WDR7: variants seen among roughly 807,000 people sequenced by gnomAD.
The protein encoded by WDR7 is WD repeat domain 7.
WDR7 carries 46 observed loss-of-function variants against 169.4 expected under a neutral mutation model. The observed-to-expected ratio is 0.27, with a 90% CI of 0.21 to 0.35. The LOEUF (loss-of-function observed/expected upper bound fraction) is 0.35. Ranked by LOEUF, WDR7 falls within the 10% of genes least tolerant of loss-of-function variation. The probability of loss-of-function intolerance (pLI) is 1.00; values close to 1 mark genes in which losing one functional copy is unlikely to be tolerated. For synonymous variants in WDR7, 612 were observed against 666.8 expected, an observed-to-expected ratio of 0.92 and a Z score of 1.27; for missense variants, 1,534 against 1,859.3, an observed-to-expected ratio of 0.83 and a Z score of 3.22.
intron 20 of WDR7, among the ~76,000 whole-genome samples, chr18:56,831,609 A>T (rs916057340): frequency 6.6e-6 from 1 of 151,646 alleles, no homozygotes; most frequent in Non-Finnish European, 1.5e-5. Context: ...AAGGTGGGTG[A>T]TTTCTGCATT....
In WDR7 at chr18:56,853,095, C is replaced by T. The variant is rs577486189; in HGVS notation, c.3305-26849C>T. Among the ~76,000 whole-genome samples, 330 of 152,226 alleles carry T rather than the reference C, an allele frequency of 2.2e-3. 2 individuals carry two copies. The highest frequency in any genetic ancestry group is 7.6e-3 in the African/African-American group (317 of 41,540). On this transcript the variant is annotated intron_variant, in intron 20 of 27. Coordinates refer to ENST00000254442, the MANE Select transcript of WDR7 (RefSeq NM_015285.3). ...TGAAGATTTTGTGTGTATGTGTGTA[C>T]AGCTTTAAAACTTAAAAATTAGAGA...
chr18:56,846,222 A>C (rs984915585), intron 20 of WDR7, among the ~76,000 whole-genome samples: 11 of 152,144 alleles, frequency 7.2e-5, no homozygotes, highest in African/African-American at 2.4e-4. Context: ...AGGTGGGCCT[A>C]CTGGGAGGTG....
intron 27 of WDR7, among the ~76,000 whole-genome samples, chr18:57,024,288 G>A (rs2048327369): frequency 6.6e-6 from 1 of 152,034 alleles, no homozygotes. Context: ...CTCGAGCATC[G>A]TTTGTATCCA....
intron 20 of WDR7, among the ~76,000 whole-genome samples, chr18:56,856,064 G>A (rs568552221): frequency 3.0e-4 from 46 of 152,246 alleles, no homozygotes; most frequent in Non-Finnish European, 6.0e-4. Context: ...CCAGGGGAGC[G>A]CAGGGAAAAT....
intron 19 of WDR7, among the ~76,000 whole-genome samples, chr18:56,794,304 A>ATTTTTTATTTTTTTTTTTTT (rs2044543989): frequency 2.0e-5 from 1 of 49,466 alleles, no homozygotes; most frequent in Non-Finnish European, 3.8e-5. Context: ...GGTAAAGTCT[A>ATTTTTTATTTTTTTTTTTTT]TTTTTTTTTT....
rs2025565436 is a variant in WDR7 at position 56,691,332 on chromosome 18, G to A, written c.834G>A (p.Gly278=). Residue 278 remains glycine (G), a synonymous_variant, in exon 8 of 28, where the codon GGG becomes GGA. Coordinates refer to ENST00000254442, the MANE Select transcript of WDR7 (RefSeq NM_015285.3). The part of the protein sequence containing the change: ...SDKVIIWTEN[G]QSYIYKLPAS... ...AAGTCATCATTTGGACAGAAAATGG[G>A]CAAAGTTATATTTACAAACTACCTG... 6.3e-6 allele frequency: 10 copies of A among 1,596,550 alleles called. No homozygotes were observed. The highest frequency in any genetic ancestry group is 1.7e-4 in the Middle Eastern group (1 of 6,022).
chr18:56,907,597 T>C (rs1249509478), intron 21 of WDR7, among the ~76,000 whole-genome samples: 1 of 152,208 alleles, frequency 6.6e-6, no homozygotes, highest in Non-Finnish European at 1.5e-5. Flanking sequence ...GCTATTCTCT[T>C]AGTCTACTTG....
chr18:56,795,019 T>C (rs955969654), intron 19 of WDR7, among the ~76,000 whole-genome samples: 1 of 152,222 alleles, frequency 6.6e-6, no homozygotes, highest in Non-Finnish European at 1.5e-5. Flanking sequence ...AGGAGAATCT[T>C]ATCCTCATCA....
At chr18:56,848,492 G>T (rs2045597575) in intron 20 of WDR7, among the ~76,000 whole-genome samples, 1 of 152,128 alleles carries the variant, frequency 6.6e-6, no homozygotes, top group Non-Finnish European at 1.5e-5. Context: ...ACTGTATTTT[G>T]CAATGTGAGA....
intron 26 of WDR7, among the ~76,000 whole-genome samples, chr18:57,019,857 G>A (rs2048262364): frequency 6.6e-6 from 1 of 152,154 alleles, no homozygotes; most frequent in South Asian, 2.1e-4. Flanking sequence ...TCTAGACAAA[G>A]GGAGGAGACC....
chr18:56,682,889 A>G (rs2025377067), intron 5 of WDR7, 36 bp downstream of exon 5: 1 of 1,581,030 alleles, frequency 6.3e-7, no homozygotes, highest in African/African-American at 1.4e-5. Flanking sequence ...CTTTAGCACC[A>G]TGACTTAATG....
At chr18:56,724,209 ATTT>A (rs58382196) in intron 13 of WDR7, among the ~76,000 whole-genome samples, 1 of 98,006 alleles carries the variant, frequency 1.0e-5, no homozygotes, top group African/African-American at 4.3e-5. Flanking sequence ...ATGCCTGGTA[ATTT>A]TTTTTTTTTT....
intron 20 of WDR7, among the ~76,000 whole-genome samples, chr18:56,834,373 G>C (rs1304563859): frequency 6.6e-6 from 1 of 152,146 alleles, no homozygotes; most frequent in African/African-American, 2.4e-5. Flanking sequence ...GTGACTCACT[G>C]GGGGTTGGTT....
chr18:56,659,162 C>T (rs1307789426), intron 1 of WDR7, among the ~76,000 whole-genome samples: 1 of 147,490 alleles, frequency 6.8e-6, no homozygotes, highest in Non-Finnish European at 1.5e-5. Context: ...GAGGCAGGAG[C>T]GTAGGTAAAA....
In WDR7 at chr18:56,740,920, C is replaced by T. The variant is rs369219670; in HGVS notation, c.1989+9323C>T. On this transcript the variant is annotated intron_variant, in intron 14 of 27. Coordinates refer to ENST00000254442, the MANE Select transcript of WDR7 (RefSeq NM_015285.3). Reference sequence around the variant, plus strand: ...TTGAATATTCAATTTTCTCTTTAGCCCCACAAGACTTTCAAAAGCTCTGTT... The same window carrying T: ...TTGAATATTCAATTTTCTCTTTAGCTCCACAAGACTTTCAAAAGCTCTGTT... Among the ~76,000 whole-genome samples, 18 of 152,056 alleles carry T rather than the reference C, an allele frequency of 1.2e-4. 1 individual carries two copies. In the East Asian group the frequency reaches 1.9e-3, roughly 16 times the overall value.
chr18:56,765,802 GTATC>G (rs201760137), intron 16 of WDR7, among the ~76,000 whole-genome samples: 50 of 151,870 alleles, frequency 3.3e-4, no homozygotes, highest in African/African-American at 8.4e-4. Context: ...ATGTATGTAT[GTATC>G]TATCTATCTA....
intron 21 of WDR7, among the ~76,000 whole-genome samples, chr18:56,893,013 A>G (rs2046284829): frequency 6.6e-6 from 1 of 152,082 alleles, no homozygotes. Flanking sequence ...TGAAGGCTTT[A>G]TAATAATTTT....
intron 20 of WDR7, among the ~76,000 whole-genome samples, chr18:56,863,581 A>T (rs1238130776): frequency 1.3e-5 from 2 of 151,744 alleles, no homozygotes; most frequent in Non-Finnish European, 3.0e-5. Flanking sequence ...GCAAATTATT[A>T]TAATTGTAAA....
intron 20 of WDR7, among the ~76,000 whole-genome samples, chr18:56,867,982 A>G (rs997283724): frequency 6.6e-6 from 1 of 152,210 alleles, no homozygotes; most frequent in Non-Finnish European, 1.5e-5. Context: ...ATATAGTAAA[A>G]GAAATTATGT....
Sources: allele counts gnomAD v4.1 joint callset (sites outside exome capture counted in the v4.1 genomes callset), GRCh38; gene constraint gnomAD v4.1.1; transcripts MANE v1.5; gene names NCBI Gene and HGNC (gene_info 2026-07-23, HGNC 2026-07-21).